Variants in ADAP1 observed in about 807,000 individuals in gnomAD.
ADAP1 encodes arf-GAP with dual PH domain-containing protein 1.
ADAP1 carries 31 observed loss-of-function variants against 54.9 expected under a neutral mutation model. The observed-to-expected ratio is 0.56, with a 90% CI of 0.42 to 0.76. The LOEUF (loss-of-function observed/expected upper bound fraction) is 0.76. Ranked by LOEUF, ADAP1 falls within the 30% of genes least tolerant of loss-of-function variation. ADAP1 has a pLI of 0.00. For synonymous variants in ADAP1, 313 were observed against 202.6 expected (o/e 1.55, Z -4.63); for missense variants, 535 against 512.4 (o/e 1.04, Z -0.42).
rs2128631603 is a variant in ADAP1, at chr7:898,366, T to A, written c.*555A>T. On this transcript the variant is annotated 3_prime_UTR_variant, in exon 11 of 11. Coordinates refer to ENST00000265846, the MANE Select transcript of ADAP1 (RefSeq NM_006869.4). ...GACCAGGAGCACAGGCTGTGGCAAC[T>A]CCAGCCCGGGCAGGGGCCGGGACCT... The A allele has an allele frequency of 1.1e-5, 2 of 174,520 alleles. No individual in the cohort carries two copies. The highest frequency in any genetic ancestry group is 1.1e-4 in the Admixed American group (2 of 18,474). 10.8% of individuals were successfully genotyped at this position (174,520 alleles called of 1,614,324 possible). A position where few individuals can be genotyped will look rare whatever the true frequency, so the allele number is the denominator to read the frequency against.
At chr7:910,925 C>T (rs1294331593) in intron 4 of ADAP1, among the ~76,000 whole-genome samples, 1 of 152,166 alleles carries the variant, frequency 6.6e-6, no homozygotes, top group Non-Finnish European at 1.5e-5. Flanking sequence ...ACACCGGAGC[C>T]CACGGCAGAG....
At position 899,344 on chromosome 7, in the gene ADAP1, GCC is replaced by G. The variant is rs1040067995; in HGVS notation, c.867+73_867+74del. ...CAGGCCAGGACTCGGGAGGCCACCCGCCCTCCTGGTCACGCATCTGGCAACCC... is the reference window on the plus strand; with the variant it reads ...CAGGCCAGGACTCGGGAGGCCACCCGCTCCTGGTCACGCATCTGGCAACCC... On this transcript the variant is annotated intron_variant, in intron 9 of 10. Transcript: ENST00000265846. 3.1e-6 allele frequency: 5 copies of G among 1,604,242 alleles called. No individual in the cohort carries two copies. The East Asian group carries it at 1.1e-4, about 36-fold the overall frequency.
chr7:947,119 A>G (rs762521031), intron 1 of ADAP1, among the ~76,000 whole-genome samples: 3 of 151,384 alleles, frequency 2.0e-5, no homozygotes, highest in Non-Finnish European at 4.4e-5. Context: ...GGTTCACTGC[A>G]GCCTCGGCCT....
chr7:904,495 C>T (rs1348725020), intron 5 of ADAP1, among the ~76,000 whole-genome samples: 1 of 152,170 alleles, frequency 6.6e-6, no homozygotes, highest in African/African-American at 2.4e-5. Context: ...GTGCAGGTGG[C>T]ACTTGACATC....
At chr7:908,828 C>T (rs1016618161) in intron 4 of ADAP1, among the ~76,000 whole-genome samples, 1 of 152,222 alleles carries the variant, frequency 6.6e-6, no homozygotes, top group Non-Finnish European at 1.5e-5. Context: ...CGTGCGTGTC[C>T]GTGTCACCAA....
rs6962883 is a variant in ADAP1, at chr7:920,055, G to A, written c.306-5C>T. The A allele has an allele frequency of 0.041, 65,413 of 1,604,192 alleles. 3,713 individuals are homozygous for A. The highest frequency in any genetic ancestry group is 0.31 in the East Asian group (13,699 of 44,682). ...ATCCACTGCTCTCGAAGGAGCCTGT[G>A]GGGAGAGGAGAGACTGAGCCACTGG... is the stretch of plus-strand genomic sequence containing the variant. On this transcript the variant is annotated splice_region_variant and splice_polypyrimidine_tract_variant and intron_variant, in intron 3 of 10. Transcript: ENST00000265846. This position sits in a 1 kb window ranked among gnomAD's most constrained non-coding sequence, Gnocchi z 4.5.
chr7:954,553 A>C lies in ADAP1; in HGVS notation c.-76T>G. The C allele has an allele frequency of 4.0e-6, 4 of 991,048 alleles. No individual in the cohort carries two copies. The South Asian group carries it at 1.4e-4, about 33-fold the overall frequency. 61.4% of individuals were successfully genotyped at this position (991,048 alleles called of 1,614,324 possible). ...AGCCCGGCTCGCTAGGGCCCCGCGCAGGCCGCCCGCCGCCGCCGCCCCTGC... is the reference window on the plus strand; with the variant it reads ...AGCCCGGCTCGCTAGGGCCCCGCGCCGGCCGCCCGCCGCCGCCGCCCCTGC... On this transcript the variant is annotated 5_prime_UTR_variant, in exon 1 of 11. Coordinates refer to ENST00000265846, the MANE Select transcript of ADAP1 (RefSeq NM_006869.4).
intron 6 of ADAP1, among the ~76,000 whole-genome samples, chr7:903,790 CGGT>C (rs1169731687): frequency 2.0e-5 from 3 of 152,272 alleles, no homozygotes; most frequent in African/African-American, 7.2e-5. Context: ...ATTGTGGGGG[CGGT>C]GGATCCTCTA....
In ADAP1 at chr7:904,288, G is replaced by C; in HGVS notation, c.502-16C>G. 6.4e-7 allele frequency: 1 copy of C among 1,563,326 alleles called. No individual in the cohort carries two copies. Among genetic ancestry groups the C allele is most frequent in the African/African-American group, 1.4e-5 (1 of 73,220 alleles). On this transcript the variant is annotated splice_polypyrimidine_tract_variant and intron_variant, in intron 5 of 10. Transcript: ENST00000265846. ...GCTCCTTGGCCTGAGAAGGGGTGGG[G>C]TCTAAGCACCTCACAGGGGCCGTCG...
At chr7:939,857 G>A (rs1846894421) in intron 1 of ADAP1, among the ~76,000 whole-genome samples, 1 of 151,218 alleles carries the variant, frequency 6.6e-6, no homozygotes, top group South Asian at 2.1e-4. Context: ...GTTTGCCAAT[G>A]TCTGCTTAGA....
At chr7:903,966 C>A in intron 6 of ADAP1, 160 bp downstream of exon 6, 3 of 938,244 alleles carry the variant, frequency 3.2e-6, no homozygotes, top group Non-Finnish European at 4.6e-6. Flanking sequence ...TCCAAGCACC[C>A]GCCTTCCCAC....
Position 926,918 on chromosome 7 carries a change from TG to T in ADAP1, c.214-275del. 8.4e-7 allele frequency: 1 copy of T among 1,185,390 alleles called. No individual in the cohort carries two copies. The highest frequency in any genetic ancestry group is 1.1e-6 in the Non-Finnish European group (1 of 896,018). 73.4% of individuals were successfully genotyped at this position (1,185,390 alleles called of 1,614,324 possible). The stretch of plus-strand genomic sequence containing the variant: ...GCCAGGCCCCTTTTGAGGATGGGTC[TG>T]AGGTTTGCCCCACCGTTTCAACCCC... On this transcript the variant is annotated intron_variant, in intron 2 of 10. Coordinates refer to ENST00000265846, the MANE Select transcript of ADAP1 (RefSeq NM_006869.4). This position sits in a 1 kb window ranked among gnomAD's most constrained non-coding sequence, Gnocchi z 4.6.
intron 2 of ADAP1, among the ~76,000 whole-genome samples, chr7:932,869 G>C (rs1161002912): frequency 6.6e-6 from 1 of 152,232 alleles, no homozygotes; most frequent in Non-Finnish European, 1.5e-5. Context: ...AAGTGCAGAA[G>C]CTGATTTGGG....
rs1309786044 is a variant in ADAP1 at position 938,535 on chromosome 7, C to T, written c.83-3030G>A. Among the ~76,000 whole-genome samples the T allele has an allele frequency of 6.6e-6, 1 of 151,952 alleles. No individual in the cohort carries two copies. The highest frequency in any genetic ancestry group is 1.5e-5 in the Non-Finnish European group (1 of 68,036). On this transcript the variant is annotated intron_variant, in intron 1 of 10. Transcript: ENST00000265846. This position sits in a 1 kb window ranked among gnomAD's most constrained non-coding sequence, Gnocchi z 4.4. ...GGAGAACAGGTGGGGAAGAACCACACTGAAGTCCCAGAAGAGAGAGACCTG... is the reference window on the plus strand; with the variant it reads ...GGAGAACAGGTGGGGAAGAACCACATTGAAGTCCCAGAAGAGAGAGACCTG...
Position 944,028 on chromosome 7 carries a change from G to A in ADAP1, c.83-8523C>T, listed in dbSNP as rs527267984. Among the ~76,000 whole-genome samples, 6 of 151,874 alleles carry A rather than the reference G, an allele frequency of 4.0e-5. No individual in the cohort carries two copies. The South Asian group carries it at 1.0e-3, about 26-fold the overall frequency. On this transcript the variant is annotated intron_variant, in intron 1 of 10. Transcript: ENST00000265846. ...CCTCCTGGATTCAAGTGATCCTCCCGCCTCAGCCTCCTGAGTAGCTGGGAC... is the reference window on the plus strand; with the variant it reads ...CCTCCTGGATTCAAGTGATCCTCCCACCTCAGCCTCCTGAGTAGCTGGGAC...
At chr7:923,671 CT>C (rs972894129) in intron 3 of ADAP1, among the ~76,000 whole-genome samples, 8 of 152,128 alleles carry the variant, frequency 5.3e-5, no homozygotes, top group Non-Finnish European at 1.0e-4. Flanking sequence ...GGTGCTCGAC[CT>C]GCCTGGAGGG....
intron 6 of ADAP1, 95 bp downstream of exon 6, chr7:904,031 T>C: frequency 6.5e-7 from 1 of 1,538,672 alleles, no homozygotes. Context: ...GTGCCTACCC[T>C]CCCGTACCGT....
At position 945,618 on chromosome 7, in the gene ADAP1, A is replaced by G; in HGVS notation, c.82+8778T>C. On this transcript the variant is annotated intron_variant, in intron 1 of 10. Coordinates refer to ENST00000265846, the MANE Select transcript of ADAP1 (RefSeq NM_006869.4). This position sits in a 1 kb window ranked among gnomAD's most constrained non-coding sequence, Gnocchi z 4.2. ...GGTGGAGATGGAGGCCCTGAGTGCCAGGTAGGGAGGGGCAGGCCCAAGACT... is the reference window on the plus strand; with the variant it reads ...GGTGGAGATGGAGGCCCTGAGTGCCGGGTAGGGAGGGGCAGGCCCAAGACT... 2 of 502,578 alleles carry G rather than the reference A, an allele frequency of 4.0e-6. No homozygotes were observed. Among genetic ancestry groups the G allele is most frequent in the Non-Finnish European group, 2.6e-6 (1 of 388,644 alleles). 31.1% of individuals were successfully genotyped at this position (502,578 alleles called of 1,614,324 possible). A position where few individuals can be genotyped will look rare whatever the true frequency, so the allele number is the denominator to read the frequency against.
intron 3 of ADAP1, among the ~76,000 whole-genome samples, chr7:921,092 T>C (rs1267917546): frequency 2.0e-5 from 3 of 152,046 alleles, no homozygotes; most frequent in Non-Finnish European, 1.5e-5. Flanking sequence ...GCAACAGAAA[T>C]GTATCATCTC....
Sources: allele counts gnomAD v4.1 joint callset (sites outside exome capture counted in the v4.1 genomes callset), GRCh38; gene constraint gnomAD v4.1.1; non-coding constraint Gnocchi (gnomAD v3.1); transcripts MANE v1.5; gene names NCBI Gene and HGNC (gene_info 2026-07-23, HGNC 2026-07-21).